The following COL27A1 variants were observed in gnomAD, a reference collection of about 807,000 sequenced individuals.
The protein encoded by COL27A1 is collagen alpha-1(XXVII) chain.
A neutral mutation model predicts 251.3 loss-of-function variants in COL27A1; 106 were observed. That is an observed-to-expected ratio of 0.42 (90% confidence interval 0.36 to 0.50). COL27A1 has a LOEUF of 0.50. COL27A1 is among the 20% of genes least tolerant of loss of function. The pLI, the probability that COL27A1 is intolerant of heterozygous loss-of-function variation, is 0.00. For synonymous variants in COL27A1, 1,000 were observed against 986.3 expected (o/e 1.01, Z -0.26); for missense variants, 2,325 against 2,522.8 (o/e 0.92, Z 1.68).
At chr9:114,231,935 G>A (rs1831991550) in intron 16 of COL27A1, 69 bp downstream of exon 16, 6 of 1,513,110 alleles carry the variant, frequency 4.0e-6, no homozygotes, top group Non-Finnish European at 4.6e-6. Context: ...CCCGGAGGCT[G>A]CTGCTGATTT....
intron 49 of COL27A1, among the ~76,000 whole-genome samples, chr9:114,295,087 T>A (rs2131641317): frequency 6.6e-6 from 1 of 152,360 alleles, no homozygotes; most frequent in African/African-American, 2.4e-5. Flanking sequence ...TGAGCACAAA[T>A]GAATTGCATT....
chr9:114,183,574 G>C (rs1420842827), intron 5 of COL27A1, among the ~76,000 whole-genome samples: 1 of 152,100 alleles, frequency 6.6e-6, no homozygotes, highest in East Asian at 1.9e-4. Context: ...GAGGAGGTAG[G>C]GTGGAAAGGA....
Position 114,292,203 on chromosome 9 carries a change from G to A in COL27A1, c.4577G>A (p.Gly1526Asp). ...AACCAGGGGGAGCCTGGGTCCAAAG[G>A]CCAGCCGGTGAGTGAGCGCCAAAGA... ...PGNQGEPGSKGQPGDSGEMGF... is the reference protein window; with the variant it reads ...PGNQGEPGSKDQPGDSGEMGF... The change falls in exon 49 of 61, where the codon GGC (glycine) becomes GAC (aspartate). Residue 1526 changes from glycine (G) to aspartate (D), a missense_variant. Physicochemically the swap from Gly to Asp is moderately conservative, Grantham distance 94 (BLOSUM62 -1). This residue lies in a region of COL27A1 where 153 missense variants were observed against 140.7 expected (regional missense o/e 1.09). Transcript: ENST00000356083. 1 of 1,553,608 alleles carries A rather than the reference G, an allele frequency of 6.4e-7. No homozygotes were observed. Among genetic ancestry groups the A allele is most frequent in the Non-Finnish European group, 8.7e-7 (1 of 1,148,398 alleles).
intron 27 of COL27A1, among the ~76,000 whole-genome samples, chr9:114,256,834 C>T (rs1833952902): frequency 1.3e-5 from 2 of 152,242 alleles, no homozygotes; most frequent in South Asian, 2.1e-4. Flanking sequence ...ACAGCCTGCT[C>T]TTTTCAGCAC....
Position 114,183,056 on chromosome 9 carries a change from C to T in COL27A1, c.1997C>T (p.Pro666Leu). The change falls in exon 5 of 61, where the codon CCC becomes CTC. Residue 666 changes from proline (P) to leucine (L), a missense_variant. Physicochemically the swap from Pro to Leu is moderately conservative, Grantham distance 98. Transcript: ENST00000356083. ...PPGPYGNPGL[P>L]GPPGAKGQKG... ...GGGCCTTATGGAAATCCAGGTCTCCCCGGCCCTCCTGGAGCCAAAGTGAGT... is the reference window on the plus strand; with the variant it reads ...GGGCCTTATGGAAATCCAGGTCTCCTCGGCCCTCCTGGAGCCAAAGTGAGT... 2 of 1,613,500 alleles carry T rather than the reference C, an allele frequency of 1.2e-6. No individual in the cohort carries two copies. Among genetic ancestry groups the T allele is most frequent in the Non-Finnish European group, 1.7e-6 (2 of 1,179,936 alleles).
intron 27 of COL27A1, among the ~76,000 whole-genome samples, chr9:114,254,260 T>G (rs1833769984): frequency 6.7e-6 from 1 of 148,640 alleles, no homozygotes; most frequent in Non-Finnish European, 1.5e-5. Flanking sequence ...GCAGGGTTGG[T>G]GGGAGGCTCT....
At chr9:114,259,631 A>G (rs997230453) in intron 28 of COL27A1, among the ~76,000 whole-genome samples, 2 of 152,166 alleles carry the variant, frequency 1.3e-5, no homozygotes, top group African/African-American at 4.8e-5. Flanking sequence ...ACAGCTAAAA[A>G]GTGGCAGAGC....
intron 14 of COL27A1, among the ~76,000 whole-genome samples, chr9:114,223,525 C>T (rs1831256414): frequency 6.6e-6 from 1 of 152,118 alleles, no homozygotes; most frequent in Non-Finnish European, 1.5e-5. Flanking sequence ...CCTGACTTTG[C>T]TACCTCCTGA....
At chr9:114,259,450 C>T (rs555836861) in intron 28 of COL27A1, among the ~76,000 whole-genome samples, 80 of 152,262 alleles carry the variant, frequency 5.3e-4, no homozygotes, top group African/African-American at 1.8e-3. Context: ...TATTCTCATT[C>T]CCATTTTATT....
chr9:114,306,091 T>G (rs892772098), intron 57 of COL27A1: 9 of 160,158 alleles, frequency 5.6e-5, no homozygotes, highest in African/African-American at 2.2e-4. Context: ...CGTCTCCTGG[T>G]GCCTCACAGA....
intron 27 of COL27A1, among the ~76,000 whole-genome samples, chr9:114,254,181 G>T (rs553286512): frequency 1.3e-5 from 2 of 152,270 alleles, no homozygotes; most frequent in Middle Eastern, 3.4e-3. Context: ...CAGGCACAAA[G>T]ATGGGAAATG....
intron 41 of COL27A1, among the ~76,000 whole-genome samples, chr9:114,285,345 C>G (rs1038937520): frequency 3.3e-5 from 5 of 152,170 alleles, no homozygotes; most frequent in African/African-American, 1.2e-4. Context: ...CCTGCCCCCC[C>G]ATGCCAGTGG....
At position 114,284,721 on chromosome 9, in the gene COL27A1, C is replaced by T. The variant is rs1326211722; in HGVS notation, c.3934-3C>T. 1.2e-6 allele frequency: 2 copies of T among 1,614,036 alleles called. No homozygotes were observed. The highest frequency in any genetic ancestry group is 3.3e-5 in the Admixed American group (2 of 60,008). On this transcript the variant is annotated splice_polypyrimidine_tract_variant and splice_region_variant and intron_variant, in intron 40 of 60. Coordinates refer to ENST00000356083, the MANE Select transcript of COL27A1 (RefSeq NM_032888.4). The stretch of plus-strand genomic sequence containing the variant: ...CACTTCCCTCCTTCTTGTTTGCCTG[C>T]AGGGACACAAAGGCATTGTGGGACC...
intron 44 of COL27A1, 86 bp from the exon 45 acceptor site, chr9:114,289,155 CA>C: frequency 1.2e-5 from 15 of 1,279,464 alleles, no homozygotes; most frequent in African/African-American, 1.5e-5. Flanking sequence ...AACCCCTCCC[CA>C]CCCCTCCCCC....
intron 5 of COL27A1, among the ~76,000 whole-genome samples, chr9:114,185,105 G>A (rs1828239800): frequency 6.6e-6 from 1 of 152,148 alleles, no homozygotes; most frequent in African/African-American, 2.4e-5. Flanking sequence ...GATGTGCCAT[G>A]GTAGGAGGAG....
At chr9:114,269,324 A>T (rs1456386406) in intron 35 of COL27A1, 30 bp downstream of exon 35, 2 of 1,588,136 alleles carry the variant, frequency 1.3e-6, no homozygotes, top group Non-Finnish European at 1.7e-6. Context: ...TCTTCCTGAA[A>T]GCCCCCAGGG....
At chr9:114,196,907 G>C (rs1179080105) in intron 7 of COL27A1, among the ~76,000 whole-genome samples, 4 of 152,130 alleles carry the variant, frequency 2.6e-5, no homozygotes, top group African/African-American at 9.7e-5. Context: ...GGAGCACCCA[G>C]CTTCAGGCCA....
At chr9:114,265,011 C>A in intron 30 of COL27A1, 43 bp downstream of exon 30, 1 of 1,612,670 alleles carries the variant, frequency 6.2e-7, no homozygotes, top group Non-Finnish European at 8.5e-7. Flanking sequence ...CAGGCCCCCT[C>A]CCTGCTCCGT....
chr9:114,183,813 C>A (rs1303014819), intron 5 of COL27A1, among the ~76,000 whole-genome samples: 1 of 152,094 alleles, frequency 6.6e-6, no homozygotes, highest in Non-Finnish European at 1.5e-5. Context: ...ATGCCACCTC[C>A]CCCAGGGAGT....
Sources: gnomAD v4.1 joint callset for allele counts (sites outside exome capture counted in the v4.1 genomes callset) on GRCh38, gnomAD v4.1.1 for gene constraint, gnomAD v4.1.1 regional missense constraint, MANE v1.5 for transcripts, NCBI Gene and HGNC (gene_info 2026-07-23, HGNC 2026-07-21) for gene names.